Variants in PIK3CB observed in about 807,000 individuals in gnomAD.
The protein encoded by PIK3CB is phosphatidylinositol-4,5-bisphosphate 3-kinase catalytic subunit beta, also known as phosphatidylinositol 4,5-bisphosphate 3-kinase catalytic subunit beta isoform.
Under a neutral mutation model 136.8 loss-of-function variants are expected in PIK3CB, and 39 were observed. The observed-to-expected ratio is 0.29, with a 90% confidence interval of 0.22 to 0.37. PIK3CB has a LOEUF of 0.37. Ranked by LOEUF, PIK3CB falls within the 10% of genes least tolerant of loss-of-function variation. PIK3CB has a pLI of 1.00. For missense variants in PIK3CB, 868 were observed against 1,275.4 expected (o/e 0.68, Z 4.87); for synonymous variants, 428 against 436.6 (o/e 0.98, Z 0.25).
At chr3:138,817,109 C>T (rs867780283) in intron 1 of PIK3CB, among the ~76,000 whole-genome samples, 5 of 151,928 alleles carry the variant, frequency 3.3e-5, no homozygotes, top group East Asian at 1.9e-4. Flanking sequence ...GAGGCCGAGG[C>T]GGGCGGATCA....
At chr3:138,712,568 G>C (rs1461419243) in intron 9 of PIK3CB, among the ~76,000 whole-genome samples, 1 of 149,968 alleles carries the variant, frequency 6.7e-6, no homozygotes, top group Non-Finnish European at 1.5e-5. Flanking sequence ...TTGTGAAAAT[G>C]ATTTTTTTTT....
At chr3:138,657,986 A>G (rs2108392831) in intron 21 of PIK3CB, 151 bp from the exon 22 acceptor site, 1 of 619,008 alleles carries the variant, frequency 1.6e-6, no homozygotes, top group African/African-American at 1.9e-5. Flanking sequence ...GCCAGGTGAG[A>G]AGAGACCATA....
intron 1 of PIK3CB, among the ~76,000 whole-genome samples, chr3:138,814,514 C>T (rs1439701100): frequency 1.3e-5 from 2 of 151,768 alleles, no homozygotes; most frequent in African/African-American, 4.8e-5. Flanking sequence ...GTTTCAGTAT[C>T]AGCCTTGGGA....
intron 1 of PIK3CB, among the ~76,000 whole-genome samples, chr3:138,813,063 G>T (rs1180952242): frequency 6.6e-5 from 10 of 151,982 alleles, no homozygotes; most frequent in Non-Finnish European, 1.0e-4. Context: ...AAGGATAATG[G>T]ATTCCTCTGT....
intron 2 of PIK3CB, among the ~76,000 whole-genome samples, chr3:138,762,832 C>G (rs1407958523): frequency 1.3e-5 from 2 of 151,664 alleles, no homozygotes; most frequent in Non-Finnish European, 2.9e-5. Context: ...TGGCGGCAGG[C>G]ACCTGTAATC....
intron 21 of PIK3CB, among the ~76,000 whole-genome samples, chr3:138,660,352 T>TA (rs1348975724): frequency 1.3e-5 from 2 of 152,220 alleles, no homozygotes; most frequent in African/African-American, 4.8e-5. Flanking sequence ...GTGCTGATTG[T>TA]AAAAAACAGA....
chr3:138,763,532 C>T (rs1350656450), intron 2 of PIK3CB, among the ~76,000 whole-genome samples: 1 of 152,162 alleles, frequency 6.6e-6, no homozygotes, highest in Non-Finnish European at 1.5e-5. Flanking sequence ...TCCCTAGTTT[C>T]TTCAACACAG....
chr3:138,672,053 C>G (rs1294467696), intron 19 of PIK3CB, among the ~76,000 whole-genome samples: 1 of 147,104 alleles, frequency 6.8e-6, no homozygotes, highest in African/African-American at 2.5e-5. Flanking sequence ...CTAACAAAGG[C>G]AAAAAGGAAA....
chr3:138,704,562 A>T (rs2044324174), intron 11 of PIK3CB, 69 bp from the exon 12 acceptor site: 1 of 962,548 alleles, frequency 1.0e-6, no homozygotes, highest in Non-Finnish European at 1.7e-6. Flanking sequence ...GTAAATGACT[A>T]CATTTGTACT....
At chr3:138,745,720 T>C (rs959873807) in intron 4 of PIK3CB, among the ~76,000 whole-genome samples, 3 of 152,182 alleles carry the variant, frequency 2.0e-5, no homozygotes, top group South Asian at 2.1e-4. Flanking sequence ...AGGGTTCTTA[T>C]TGTCCAGGTC....
intron 18 of PIK3CB, 43 bp downstream of exon 18, chr3:138,683,635 G>T: frequency 9.4e-7 from 1 of 1,062,864 alleles, no homozygotes. Flanking sequence ...GGCAACAAAT[G>T]AAAAATTCTA....
At chr3:138,813,864 G>C (rs890124696) in intron 1 of PIK3CB, among the ~76,000 whole-genome samples, 1 of 152,028 alleles carries the variant, frequency 6.6e-6, no homozygotes, top group Non-Finnish European at 1.5e-5. Flanking sequence ...AAAGAAATGG[G>C]GTAAAAGCTA....
At chr3:138,814,690 C>A (rs913565608) in intron 1 of PIK3CB, among the ~76,000 whole-genome samples, 1 of 152,012 alleles carries the variant, frequency 6.6e-6, no homozygotes, top group Non-Finnish European at 1.5e-5. Flanking sequence ...AAAGGTTGAT[C>A]TCAAATTTGG....
chr3:138,760,136 G>A (rs1220739002), intron 2 of PIK3CB, among the ~76,000 whole-genome samples: 2 of 152,064 alleles, frequency 1.3e-5, no homozygotes, highest in African/African-American at 4.8e-5. Flanking sequence ...TGTTAGCCAG[G>A]ATGGTCTCGA....
intron 1 of PIK3CB, among the ~76,000 whole-genome samples, chr3:138,802,941 G>A (rs2046193530): frequency 6.6e-6 from 1 of 152,188 alleles, no homozygotes; most frequent in Non-Finnish European, 1.5e-5. Context: ...TGTGAATAAA[G>A]CGGAGTTTCC....
chr3:138,664,988 G>A, intron 20 of PIK3CB, 48 bp downstream of exon 20: 2 of 1,331,694 alleles, frequency 1.5e-6, no homozygotes, highest in Middle Eastern at 1.9e-4. Flanking sequence ...TACAGTATTT[G>A]TTTGGCTGTT....
intron 19 of PIK3CB, among the ~76,000 whole-genome samples, chr3:138,675,015 G>A (rs1434203413): frequency 1.3e-5 from 2 of 152,026 alleles, no homozygotes; most frequent in Admixed American, 1.3e-4. Context: ...CCGAGACCGC[G>A]CCACTGCACT....
At chr3:138,775,738 CAT>C (rs1394352449) in intron 2 of PIK3CB, among the ~76,000 whole-genome samples, 9 of 152,100 alleles carry the variant, frequency 5.9e-5, no homozygotes, top group Non-Finnish European at 1.2e-4. Context: ...TAATTAATCA[CAT>C]GTTACTATGT....
At chr3:138,766,424 T>C (rs1372961257) in intron 2 of PIK3CB, among the ~76,000 whole-genome samples, 3 of 152,352 alleles carry the variant, frequency 2.0e-5, no homozygotes, top group South Asian at 2.1e-4. Context: ...ACATTTTAAA[T>C]GTCTTAAAAT....
Sources: allele counts gnomAD v4.1 joint callset (sites outside exome capture counted in the v4.1 genomes callset), GRCh38; gene constraint gnomAD v4.1.1; transcripts MANE v1.5; gene names NCBI Gene and HGNC (gene_info 2026-07-23, HGNC 2026-07-21).